MEGF10: variants seen among roughly 807,000 people sequenced by gnomAD.
The protein encoded by MEGF10 is multiple epidermal growth factor-like domains protein 10.
A neutral mutation model predicts 147.5 loss-of-function variants in MEGF10; 86 were observed. The observed-to-expected ratio is 0.58, with a 90% CI of 0.49 to 0.70. The LOEUF (loss-of-function observed/expected upper bound fraction) is 0.70, where lower values mean the gene tolerates loss of function less well. Ranked by LOEUF, MEGF10 falls within the 30% of genes least tolerant of loss-of-function variation. MEGF10 has a pLI of 0.00. For synonymous variants in MEGF10, 478 were observed against 525.5 expected (o/e 0.91, Z 1.24); for missense variants, 1,329 against 1,487.3 (o/e 0.89, Z 1.75).
chr5:127,449,534 A>G (rs1467755604), intron 22 of MEGF10, among the ~76,000 whole-genome samples: 1 of 152,194 alleles, frequency 6.6e-6, no homozygotes, highest in Non-Finnish European at 1.5e-5. Context: ...ATAGGTGGGT[A>G]CTATTGTTAT....
rs192760223 is a variant in MEGF10 at position 127,448,770 on chromosome 5, A to G, written c.2857-329A>G. 2.8e-3 allele frequency among the ~76,000 whole-genome samples: 431 copies of G among 152,160 alleles called. 4 individuals carry two copies. Among genetic ancestry groups the G allele is most frequent in the African/African-American group, 9.9e-3 (411 of 41,484 alleles). The stretch of plus-strand genomic sequence containing the variant: ...CACACAAACATACAATTTTTGATGG[A>G]AGAACTTAGACCAAGAGTTCTTTTT... On this transcript the variant is annotated intron_variant, in intron 21 of 24. Transcript: ENST00000503335.
At chr5:127,455,366 C>A in intron 23 of MEGF10, 35 bp from the exon 24 acceptor site, 1 of 1,551,078 alleles carries the variant, frequency 6.4e-7, no homozygotes, top group Non-Finnish European at 8.9e-7. Context: ...GCCAGTGACA[C>A]AGCATTAGCT....
At chr5:127,229,838 C>G in the MEGF10 span, 1 of 152,234 alleles carries the variant, frequency 6.6e-6, no homozygotes, top group South Asian at 2.1e-4. Flanking sequence ...CTCTGGGGGC[C>G]GAAGCAGGGA....
At chr5:127,328,490 C>A (rs80219238) in intron 1 of MEGF10, among the ~76,000 whole-genome samples, 2,559 of 152,168 alleles carry the variant, frequency 0.017, 80 homozygotes, top group African/African-American at 0.059. Flanking sequence ...GAGAAGGTGG[C>A]CAAATTCTGC....
At chr5:127,318,317 C>G (rs1054458381) in intron 1 of MEGF10, among the ~76,000 whole-genome samples, 23 of 152,194 alleles carry the variant, frequency 1.5e-4, no homozygotes, top group African/African-American at 5.3e-4. Context: ...CCTGACCTAA[C>G]ACACCCATTG....
chr5:127,451,711 A>G (rs1170507512), intron 22 of MEGF10, among the ~76,000 whole-genome samples: 1 of 152,192 alleles, frequency 6.6e-6, no homozygotes, highest in East Asian at 1.9e-4. Flanking sequence ...AATGAGACCC[A>G]AGGGACTGAG....
At chr5:127,417,954 G>T (rs1764840339) in intron 10 of MEGF10, 142 bp downstream of exon 10, 4 of 843,750 alleles carry the variant, frequency 4.7e-6, no homozygotes, top group Admixed American at 3.5e-5. Context: ...AAAATGAGGG[G>T]AAAAATGCTA....
intron 4 of MEGF10, among the ~76,000 whole-genome samples, chr5:127,351,096 T>C (rs1762071789): frequency 6.6e-6 from 1 of 152,186 alleles, no homozygotes; most frequent in Admixed American, 6.5e-5. Context: ...ACAGGGTGAT[T>C]ATAGTCAGTA....
intron 13 of MEGF10, among the ~76,000 whole-genome samples, chr5:127,428,774 G>A (rs988561672): frequency 2.0e-5 from 3 of 152,166 alleles, no homozygotes; most frequent in Admixed American, 6.5e-5. Flanking sequence ...AGTAAGACAA[G>A]GATTTGGGGT....
the MEGF10 span, among the ~76,000 whole-genome samples, chr5:127,257,169 T>A: frequency 6.6e-6 from 1 of 152,110 alleles, no homozygotes; most frequent in Non-Finnish European, 1.5e-5. Flanking sequence ...TTCTTATAGA[T>A]GAAAAGTCTG....
chr5:127,433,563 A>T lies in MEGF10; in HGVS notation c.1840+54A>T, dbSNP rs537727108. On this transcript the variant is annotated intron_variant, in intron 14 of 24. Transcript: ENST00000503335. ...ACCTTCCCTTCCCTGGGCACCATGT[A>T]TCGAATAATGATCTCTGTCCCACCT... is the stretch of plus-strand genomic sequence containing the variant. 4 of 1,543,002 alleles carry T rather than the reference A, an allele frequency of 2.6e-6. No individual in the cohort carries two copies. The Admixed American group carries it at 5.8e-5, about 22-fold the overall frequency.
chr5:127,407,265 T>C (rs76091281), intron 8 of MEGF10, among the ~76,000 whole-genome samples: 3,149 of 152,244 alleles, frequency 0.021, 59 homozygotes, highest in Middle Eastern at 0.085. Flanking sequence ...ATGAAGAATG[T>C]GATTCTTTCA....
Position 127,445,601 on chromosome 5 carries a change from A to G in MEGF10, c.2636A>G (p.Tyr879Cys), listed in dbSNP as rs1765915785. Residue 879 changes from tyrosine (Y) to cysteine (C), a missense_variant, in exon 20 of 25, where the codon TAT becomes TGT. By Grantham distance (194) the Tyr-to-Cys change is radical (BLOSUM62 -2). Coordinates refer to ENST00000503335, the MANE Select transcript of MEGF10 (RefSeq NM_001256545.2). ...TTCCTACTGGCATTGTTCATTATTT[A>G]TAGACACAAGCAGAAGGGAAAGGAA... ...VLFLLALFII[Y>C]RHKQKGKESS... 2 of 1,614,090 alleles carry G rather than the reference A, an allele frequency of 1.2e-6. No homozygotes were observed. The highest frequency in any genetic ancestry group is 1.1e-5 in the South Asian group (1 of 91,066).
rs1410461579 is a variant in MEGF10, at chr5:127,456,402, A to C, written c.3233-726A>C. Among the ~76,000 whole-genome samples, 3 of 152,134 alleles carry C rather than the reference A, an allele frequency of 2.0e-5. No homozygotes were observed. The East Asian group carries it at 5.8e-4, about 29-fold the overall frequency. On this transcript the variant is annotated intron_variant, in intron 24 of 24. Coordinates refer to ENST00000503335, the MANE Select transcript of MEGF10 (RefSeq NM_001256545.2). Reference sequence around the variant, plus strand: ...ATTCCACCACTACTCTTGGCTAAACAATAGGGCTATATATTTTCATTTCTC... The same window carrying C: ...ATTCCACCACTACTCTTGGCTAAACCATAGGGCTATATATTTTCATTTCTC...
At chr5:127,250,361 A>G in the MEGF10 span, among the ~76,000 whole-genome samples, 445 of 152,132 alleles carry the variant, frequency 2.9e-3, 1 homozygote, top group African/African-American at 0.01. Flanking sequence ...ACACAAGAAA[A>G]TCCATTAATA....
At chr5:127,455,285 T>C in intron 23 of MEGF10, 116 bp from the exon 24 acceptor site, 1 of 877,584 alleles carries the variant, frequency 1.1e-6, no homozygotes, top group South Asian at 1.6e-5. Flanking sequence ...TACAGTATTA[T>C]TTTCAGTGTG....
chr5:127,304,377 T>C (rs1019796395), intron 1 of MEGF10, among the ~76,000 whole-genome samples: 2 of 152,238 alleles, frequency 1.3e-5, no homozygotes, highest in Non-Finnish European at 2.9e-5. Context: ...TTCTTTGTGT[T>C]ACCACATCAT....
chr5:127,285,276 C>A, the MEGF10 span, among the ~76,000 whole-genome samples: 1 of 152,092 alleles, frequency 6.6e-6, no homozygotes, highest in Non-Finnish European at 1.5e-5. Context: ...TCCACCAAGC[C>A]CTTGACAGGT....
At chr5:127,399,340 G>A (rs74569405) in intron 7 of MEGF10, among the ~76,000 whole-genome samples, 3,182 of 152,276 alleles carry the variant, frequency 0.021, 54 homozygotes, top group Non-Finnish European at 0.03. Context: ...AAATTTTGAC[G>A]AGAATACCCT....
Sources: allele counts gnomAD v4.1 joint callset (sites outside exome capture counted in the v4.1 genomes callset), GRCh38; gene constraint gnomAD v4.1.1; transcripts MANE v1.5; gene names NCBI Gene and HGNC (gene_info 2026-07-23, HGNC 2026-07-21).